The following AGFG2 variants were observed in gnomAD, a reference collection of about 807,000 sequenced individuals.
AGFG2 encodes the protein ArfGAP with FG repeats 2.
In AGFG2, 31 loss-of-function variants were observed where a neutral mutation model predicts 48.0. That is an observed-to-expected ratio of 0.65 (90% CI 0.49 to 0.87). AGFG2 has a LOEUF of 0.87. Among genes scored for constraint, AGFG2 ranks in the 40% least tolerant of loss-of-function variants. The pLI is 0.00. For synonymous variants in AGFG2, 229 were observed against 260.8 expected, an observed-to-expected ratio of 0.88 and a Z score of 1.18; for missense variants, 599 against 632.6, an observed-to-expected ratio of 0.95 and a Z score of 0.57.
At chr7:100,555,875 A>G (rs1800750545) in intron 6 of AGFG2, 140 bp downstream of exon 6, 1 of 1,230,918 alleles carries the variant, frequency 8.1e-7, no homozygotes, top group African/African-American at 1.5e-5. Flanking sequence ...CCAGGAGAGG[A>G]TGAGCGTGTC....
chr7:100,563,795 C>T (rs765723393), intron 9 of AGFG2, 39 bp from the exon 10 acceptor site: 8 of 1,607,572 alleles, frequency 5.0e-6, no homozygotes, highest in Middle Eastern at 1.7e-4. Context: ...AGCCCACCTT[C>T]CAGAAGTTCA....
chr7:100,563,504 C>T (rs1024484119), intron 9 of AGFG2, among the ~76,000 whole-genome samples: 8 of 152,168 alleles, frequency 5.3e-5, no homozygotes, highest in Non-Finnish European at 1.0e-4. Context: ...CCCTATGAGA[C>T]GGACTGTCCC....
At chr7:100,541,766 CAAAA>C (rs11285690) in intron 1 of AGFG2, among the ~76,000 whole-genome samples, 3 of 65,490 alleles carry the variant, frequency 4.6e-5, no homozygotes, top group Admixed American at 1.7e-4. Flanking sequence ...CTCTGTCTCA[CAAAA>C]AAAAAAAAAA....
chr7:100,556,663 G>C (rs1039847152), intron 6 of AGFG2: 2 of 1,282,136 alleles, frequency 1.6e-6, no homozygotes, highest in African/African-American at 3.1e-5. Flanking sequence ...CTACCCAAGT[G>C]CCTCTGATCA....
rs184718355 is a variant in AGFG2, at chr7:100,566,784, C to A, written c.*1793C>A. On this transcript the variant is annotated 3_prime_UTR_variant, in exon 12 of 12. Coordinates refer to ENST00000300176, the MANE Select transcript of AGFG2 (RefSeq NM_006076.5). ...CTGGCCTTTGCATGTTCCATCTCTT[C>A]TCTTTCTCCCCTCTTCGCCACCCTA... 6.6e-6 allele frequency: 1 copy of A among 152,500 alleles called. No individual in the cohort carries two copies. The highest frequency in any genetic ancestry group is 2.4e-5 in the African/African-American group (1 of 41,568). The allele number at this position is 152,500 out of a possible 1,614,324, so 9.4% of individuals were successfully genotyped here.
chr7:100,544,207 C>T (rs934239889), intron 1 of AGFG2, among the ~76,000 whole-genome samples: 5 of 152,164 alleles, frequency 3.3e-5, no homozygotes, highest in Non-Finnish European at 5.9e-5. Flanking sequence ...TGACATATTT[C>T]CTTGATGTGG....
Position 100,562,441 on chromosome 7 carries a change from T to C in AGFG2, c.998+62T>C, listed in dbSNP as rs2131124397. The stretch of plus-strand genomic sequence containing the variant: ...GAGAGCCGCCCGAAGCCTGGCCATG[T>C]TCCTCCCAGCCCCATCGGCATCTCC... On this transcript the variant is annotated intron_variant, in intron 7 of 11. Coordinates refer to ENST00000300176, the MANE Select transcript of AGFG2 (RefSeq NM_006076.5). The surrounding 1 kb of genome is among the most constrained non-coding windows in gnomAD (Gnocchi z 5.4). 3.7e-6 allele frequency: 6 copies of C among 1,605,678 alleles called. No individual in the cohort carries two copies. Among genetic ancestry groups the C allele is most frequent in the Admixed American group, 1.7e-5 (1 of 59,636 alleles).
chr7:100,545,918 C>CT (rs1800501751), intron 1 of AGFG2, among the ~76,000 whole-genome samples: 1 of 152,196 alleles, frequency 6.6e-6, no homozygotes, highest in Non-Finnish European at 1.5e-5. Context: ...AAGAAAAACT[C>CT]TGACTCATAG....
intron 1 of AGFG2, among the ~76,000 whole-genome samples, chr7:100,545,255 C>T (rs1800491221): frequency 1.3e-5 from 2 of 152,130 alleles, no homozygotes; most frequent in African/African-American, 4.8e-5. Flanking sequence ...ACTTTCTTAT[C>T]TGAGCAGCTG....
chr7:100,547,479 G>C (rs926621791), intron 1 of AGFG2, among the ~76,000 whole-genome samples: 1 of 151,936 alleles, frequency 6.6e-6, no homozygotes, highest in Non-Finnish European at 1.5e-5. Flanking sequence ...CCTGTCCCAG[G>C]ATCTAGCTTG....
At chr7:100,560,941 A>G (rs1800856981) in intron 6 of AGFG2, among the ~76,000 whole-genome samples, 1 of 148,452 alleles carries the variant, frequency 6.7e-6, no homozygotes. Flanking sequence ...CCTCCTGAGT[A>G]GTTGGAACTA....
In AGFG2 at chr7:100,564,975, C is replaced by T. The variant is rs1394947136; in HGVS notation, c.1430C>T (p.Thr477Ile). The change falls in exon 12 of 12, where the codon ACC becomes ATC. Residue 477 changes from threonine to isoleucine, a missense_variant. By Grantham distance (89) the Thr-to-Ile change is moderately conservative. Coordinates refer to ENST00000300176, the MANE Select transcript of AGFG2 (RefSeq NM_006076.5). ...SSPFASKPPT[T>I]NPFL is the part of the protein sequence containing the mutation. Reference sequence around the variant, plus strand: ...CCATTCGCCTCCAAACCTCCAACCACCAACCCCTTCTTGTAGCACTGTGTT... The same window carrying T: ...CCATTCGCCTCCAAACCTCCAACCATCAACCCCTTCTTGTAGCACTGTGTT... 1 of 1,614,228 alleles carries T rather than the reference C, an allele frequency of 6.2e-7. No homozygotes were observed. The highest frequency in any genetic ancestry group is 1.7e-5 in the Admixed American group (1 of 60,030).
chr7:100,562,888 C>T lies in AGFG2; in HGVS notation c.1113C>T (p.Pro371=), dbSNP rs146824330. Residue 371 remains proline, a synonymous_variant, in exon 9 of 12, where the codon CCC becomes CCT. Transcript: ENST00000300176. This position sits in a 1 kb window ranked among gnomAD's most constrained non-coding sequence, Gnocchi z 5.4. The stretch of plus-strand genomic sequence containing the variant: ...CCTTCACTAACCCTTTCACAGCTCC[C>T]GCCGCCCAGTCCCCGCTGCCTTCCA... ...FGAFTNPFTA[P]AAQSPLPSTN... 388 of 1,614,132 alleles carry T rather than the reference C, an allele frequency of 2.4e-4. 6 individuals are homozygous for T. The East Asian group carries it at 7.9e-3, about 33-fold the overall frequency.
At position 100,563,638 on chromosome 7, in the gene AGFG2, C is replaced by T. The variant is rs542446766; in HGVS notation, c.1172-196C>T. ...CCTGGAACTACCATGCCCTCCCTGC[C>T]ACGTACCCCCGGGCAGGGAGAGGGC... is the stretch of plus-strand genomic sequence containing the variant. On this transcript the variant is annotated intron_variant, in intron 9 of 11. Coordinates refer to ENST00000300176, the MANE Select transcript of AGFG2 (RefSeq NM_006076.5). Among the ~76,000 whole-genome samples, 6 of 152,344 alleles carry T rather than the reference C, an allele frequency of 3.9e-5. No individual in the cohort carries two copies. In the East Asian group the frequency reaches 7.7e-4, roughly 20 times the overall value.
At position 100,554,342 on chromosome 7, in the gene AGFG2, T is replaced by C. The variant is rs1800715325; in HGVS notation, c.751+84T>C. On this transcript the variant is annotated intron_variant, in intron 5 of 11. Coordinates refer to ENST00000300176, the MANE Select transcript of AGFG2 (RefSeq NM_006076.5). ...TCCAGTCCCTGGAGGTAACCATGGC[T>C]CTAGATCTTCTCATGCAAACAAATG... The C allele has an allele frequency of 4.8e-6, 7 of 1,465,354 alleles. No individual in the cohort carries two copies. The East Asian group carries it at 1.7e-4, about 35-fold the overall frequency. The allele number at this position is 1,465,354 out of a possible 1,614,324, so 90.8% of individuals were successfully genotyped here.
intron 1 of AGFG2, among the ~76,000 whole-genome samples, chr7:100,540,763 T>C (rs1800407765): frequency 6.6e-6 from 1 of 152,074 alleles, no homozygotes; most frequent in Non-Finnish European, 1.5e-5. Flanking sequence ...CCTGTAATCC[T>C]AGCACTTTGG....
chr7:100,559,689 G>A (rs531940557), intron 6 of AGFG2, among the ~76,000 whole-genome samples: 57 of 151,974 alleles, frequency 3.8e-4, no homozygotes, highest in Middle Eastern at 3.4e-3. Context: ...ATAGTGGTGC[G>A]TGCCTGTAGT....
intron 10 of AGFG2, 117 bp from the exon 11 acceptor site, chr7:100,564,101 G>GC: frequency 6.5e-7 from 1 of 1,528,686 alleles, no homozygotes; most frequent in Non-Finnish European, 8.9e-7. Context: ...CACCAGACCC[G>GC]CCCGGGTACT....
chr7:100,539,419 G>A lies in AGFG2; in HGVS notation c.73G>A (p.Ala25Thr). 1 of 1,320,272 alleles carries A rather than the reference G, an allele frequency of 7.6e-7. No homozygotes were observed. The highest frequency in any genetic ancestry group is 9.7e-7 in the Non-Finnish European group (1 of 1,031,604). 81.8% of individuals were successfully genotyped at this position (1,320,272 alleles called of 1,614,324 possible). A position where few individuals can be genotyped will look rare whatever the true frequency, so the allele number is the denominator to read the frequency against. Residue 25 changes from alanine (A) to threonine (T), a missense_variant, in exon 1 of 12, where the codon GCC (alanine) becomes ACC (threonine). Physicochemically the swap from Ala to Thr is moderately conservative, Grantham distance 58. Transcript: ENST00000300176. ...CGGGGGCAAGGCGGAGGCGGAGGCGGCCTCGGAGGTGTGGTGCCGTCGGGT... is the reference window on the plus strand; with the variant it reads ...CGGGGGCAAGGCGGAGGCGGAGGCGACCTCGGAGGTGTGGTGCCGTCGGGT... ...VSGGKAEAEA[A>T]SEVWCRRVRE... is the part of the protein sequence containing the mutation.
Sources: gnomAD v4.1 joint callset for allele counts (sites outside exome capture counted in the v4.1 genomes callset) on GRCh38, gnomAD v4.1.1 for gene constraint, Gnocchi (gnomAD v3.1) non-coding constraint, MANE v1.5 for transcripts, NCBI Gene and HGNC (gene_info 2026-07-23, HGNC 2026-07-21) for gene names.